Variants in SMARCC1 observed in about 807,000 individuals in gnomAD.
SMARCC1 encodes the protein SWI/SNF related BAF chromatin remodeling complex subunit C1.
SMARCC1 carries 43 observed loss-of-function variants against 147.4 expected under a neutral mutation model. The observed-to-expected ratio is 0.29, with a 90% confidence interval of 0.23 to 0.38. The LOEUF (loss-of-function observed/expected upper bound fraction) is 0.38. Among genes scored for constraint, SMARCC1 ranks in the 10% least tolerant of loss-of-function variants. The pLI, the probability that SMARCC1 is intolerant of heterozygous loss-of-function variation, is 1.00. For missense variants in SMARCC1, 1,119 were observed against 1,381.1 expected, an observed-to-expected ratio of 0.81 and a Z score of 3.01; for synonymous variants, 495 against 484.4, an observed-to-expected ratio of 1.02 and a Z score of -0.29.
At chr3:47,669,049 A>G (rs1345733169) in intron 19 of SMARCC1, among the ~76,000 whole-genome samples, 2 of 152,226 alleles carry the variant, frequency 1.3e-5, no homozygotes, top group African/African-American at 4.8e-5. Context: ...TAAATAAACT[A>G]TATAAATCGA....
chr3:47,589,151 T>C (rs2032133683), intron 27 of SMARCC1, among the ~76,000 whole-genome samples: 1 of 152,192 alleles, frequency 6.6e-6, no homozygotes, highest in Admixed American at 6.5e-5. Flanking sequence ...ATCTAATCCC[T>C]TGTGTCATCT....
At chr3:47,616,011 G>C (rs1233224108) in intron 25 of SMARCC1, among the ~76,000 whole-genome samples, 1 of 152,174 alleles carries the variant, frequency 6.6e-6, no homozygotes, top group Non-Finnish European at 1.5e-5. Context: ...TCTATACCTA[G>C]CCAAATGAAC....
Position 47,772,848 on chromosome 3 carries a change from T to C in SMARCC1, c.284A>G (p.His95Arg). ...TTTGGTGAAGGCCGGGTTGGTGACA[T>C]GCTTCCCAAAGGCATCTTCCTGGAA... ...LQFQEDAFGK[H>R]VTNPAFTKLP... Residue 95 changes from histidine to arginine, a missense_variant, in exon 2 of 28, where the codon CAT becomes CGT. Around this residue, in one of 6 missense-constraint regions of SMARCC1, gnomAD observed 542 missense variants for 611.8 expected, o/e 0.89. Transcript: ENST00000254480. The C allele has an allele frequency of 6.2e-7, 1 of 1,613,324 alleles. No individual in the cohort carries two copies. Among genetic ancestry groups the C allele is most frequent in the Non-Finnish European group, 8.5e-7 (1 of 1,179,486 alleles).
intron 15 of SMARCC1, 96 bp from the exon 16 acceptor site, chr3:47,678,407 CA>C: frequency 1.8e-6 from 1 of 553,754 alleles, no homozygotes; most frequent in Non-Finnish European, 3.3e-6. Flanking sequence ...CTTAAAAATA[CA>C]ACAACAAATT....
chr3:47,762,418 A>G lies in SMARCC1; in HGVS notation c.315+10399T>C, dbSNP rs113240928. Among the ~76,000 whole-genome samples the G allele has an allele frequency of 3.9e-3, 597 of 152,324 alleles. 4 individuals carry two copies. Among genetic ancestry groups the G allele is most frequent in the African/African-American group, 0.013 (561 of 41,582 alleles). ...GATCCAGTTGGTGAGAATTCCTGCC[A>G]TGAGGTCAGTCATACTTACTGGGAA... On this transcript the variant is annotated intron_variant, in intron 2 of 27. Transcript: ENST00000254480.
At chr3:47,704,258 T>C (rs1034113762) in intron 10 of SMARCC1, among the ~76,000 whole-genome samples, 1 of 152,142 alleles carries the variant, frequency 6.6e-6, no homozygotes, top group South Asian at 2.1e-4. Flanking sequence ...AAACATACAG[T>C]GCAGATGAAT....
chr3:47,751,763 A>G (rs539342789), intron 2 of SMARCC1, among the ~76,000 whole-genome samples: 7 of 152,174 alleles, frequency 4.6e-5, no homozygotes, highest in Admixed American at 3.9e-4. Flanking sequence ...TATCAAAGGT[A>G]CTAGTTCCAA....
chr3:47,636,333 A>G (rs1219877639), intron 22 of SMARCC1, among the ~76,000 whole-genome samples, 197 bp from the exon 23 acceptor site: 1 of 152,238 alleles, frequency 6.6e-6, no homozygotes, highest in Non-Finnish European at 1.5e-5. Context: ...TCAACACTTG[A>G]GTGCTCACAA....
chr3:47,759,830 G>C (rs1453545302), intron 2 of SMARCC1, among the ~76,000 whole-genome samples: 1 of 151,854 alleles, frequency 6.6e-6, no homozygotes, highest in South Asian at 2.1e-4. Context: ...CCAGCTACTC[G>C]GGAGGCTGAC....
intron 2 of SMARCC1, among the ~76,000 whole-genome samples, chr3:47,765,722 C>T (rs995234211): frequency 2.0e-5 from 3 of 151,946 alleles, no homozygotes; most frequent in African/African-American, 7.3e-5. Context: ...ATTTTTCCTC[C>T]AGTTGCAAAT....
intron 7 of SMARCC1, among the ~76,000 whole-genome samples, chr3:47,714,914 A>G (rs2034137301): frequency 6.6e-6 from 1 of 152,200 alleles, no homozygotes; most frequent in Non-Finnish European, 1.5e-5. Context: ...AGAGGTCACC[A>G]GTAACGTATA....
intron 21 of SMARCC1, among the ~76,000 whole-genome samples, chr3:47,652,924 T>C (rs2033208419): frequency 6.6e-6 from 1 of 151,798 alleles, no homozygotes; most frequent in Non-Finnish European, 1.5e-5. Context: ...AAGAGGTGTT[T>C]TGAGTGTTCA....
chr3:47,772,278 C>T lies in SMARCC1; in HGVS notation c.315+539G>A, dbSNP rs537564615. 1.9e-4 allele frequency among the ~76,000 whole-genome samples: 29 copies of T among 152,218 alleles called. No homozygotes were observed. The South Asian group carries it at 6.0e-3, about 32-fold the overall frequency. On this transcript the variant is annotated intron_variant, in intron 2 of 27. Transcript: ENST00000254480. ...GCGTGGTAGCACATGCTAGTAGTCC[C>T]AGCCTCTTGGGAACCTGAGGTGGGA...
At chr3:47,620,236 G>A (rs776296982) in intron 25 of SMARCC1, among the ~76,000 whole-genome samples, 19 of 152,132 alleles carry the variant, frequency 1.2e-4, no homozygotes, top group Non-Finnish European at 2.6e-4. Flanking sequence ...GCTGAGGCAG[G>A]CAGACTGCCT....
At chr3:47,709,328 G>A (rs2034055782) in intron 9 of SMARCC1, among the ~76,000 whole-genome samples, 1 of 152,030 alleles carries the variant, frequency 6.6e-6, no homozygotes, top group Non-Finnish European at 1.5e-5. Context: ...ACTGAAATAG[G>A]TATGAAAGTA....
intron 26 of SMARCC1, among the ~76,000 whole-genome samples, chr3:47,595,742 C>CT (rs1249332388): frequency 1.4e-5 from 2 of 147,486 alleles, no homozygotes; most frequent in African/African-American, 5.0e-5. Flanking sequence ...TTTTCTTTTT[C>CT]TTTTTTTTTG....
At position 47,688,114 on chromosome 3, in the gene SMARCC1, G is replaced by C. The variant is rs577417404; in HGVS notation, c.1263+1273C>G. Among the ~76,000 whole-genome samples the C allele has an allele frequency of 3.9e-5, 6 of 152,132 alleles. No individual in the cohort carries two copies. The South Asian group carries it at 8.3e-4, about 21-fold the overall frequency. ...GTCTCTACTAAAAATACAAAAATTA[G>C]CTGGGCGTGGTGGTGCATGCCTGTA... On this transcript the variant is annotated intron_variant, in intron 13 of 27. Coordinates refer to ENST00000254480, the MANE Select transcript of SMARCC1 (RefSeq NM_003074.4).
At chr3:47,650,808 T>A (rs2033180550) in intron 21 of SMARCC1, among the ~76,000 whole-genome samples, 1 of 145,202 alleles carries the variant, frequency 6.9e-6, no homozygotes, top group African/African-American at 2.5e-5. Context: ...AGCAAGACCC[T>A]GTCTCTTTAA....
At chr3:47,636,786 A>ATGTGTGTGTG (rs771728075) in intron 22 of SMARCC1, among the ~76,000 whole-genome samples, 11 of 140,912 alleles carry the variant, frequency 7.8e-5, no homozygotes, top group South Asian at 2.4e-4. Context: ...CAAAATATAT[A>ATGTGTGTGTG]TATGTGTGTG....
Sources: allele counts gnomAD v4.1 joint callset (sites outside exome capture counted in the v4.1 genomes callset), GRCh38; gene constraint gnomAD v4.1.1; regional missense constraint gnomAD v4.1.1; transcripts MANE v1.5; gene names NCBI Gene and HGNC (gene_info 2026-07-23, HGNC 2026-07-21).